The following SFXN5 variants were observed in gnomAD, a reference collection of about 807,000 sequenced individuals.
The protein encoded by SFXN5 is sideroflexin-5.
In SFXN5, 43 loss-of-function variants were observed where a neutral mutation model predicts 50.2. That is an observed-to-expected ratio of 0.86 (90% CI 0.67 to 1.11). The LOEUF is 1.11. Among genes scored for constraint, SFXN5 ranks in the 50% least tolerant of loss-of-function variants. The probability of loss-of-function intolerance (pLI) is 0.00; values close to 1 mark genes in which losing one functional copy is unlikely to be tolerated. For missense variants in SFXN5, 463 were observed against 454.1 expected (o/e 1.02, Z -0.18); for synonymous variants, 203 against 185.8 (o/e 1.09, Z -0.75).
chr2:73,009,110 C>A (rs1487546066), intron 6 of SFXN5, among the ~76,000 whole-genome samples: 1 of 152,222 alleles, frequency 6.6e-6, no homozygotes, highest in Non-Finnish European at 1.5e-5. Flanking sequence ...CAGTTCCTAG[C>A]ACATTCGCTG....
rs976074014 is a variant in SFXN5, at chr2:73,048,543, G to C, written c.172-7612C>G. 3.9e-5 allele frequency among the ~76,000 whole-genome samples: 6 copies of C among 152,292 alleles called. No individual in the cohort carries two copies. The South Asian group carries it at 8.3e-4, about 21-fold the overall frequency. ...TCATCCCAATATTGCACACATACAT[G>C]GACCAAAATGTTAATGGTGATTATT... is the stretch of plus-strand genomic sequence containing the variant. On this transcript the variant is annotated intron_variant, in intron 2 of 13. Coordinates refer to ENST00000272433, the MANE Select transcript of SFXN5 (RefSeq NM_144579.3).
At chr2:73,029,307 A>G (rs1677997610) in intron 3 of SFXN5, among the ~76,000 whole-genome samples, 1 of 152,248 alleles carries the variant, frequency 6.6e-6, no homozygotes, top group Non-Finnish European at 1.5e-5. Flanking sequence ...TACTTGTACT[A>G]ACATTTGGCT....
intron 13 of SFXN5, among the ~76,000 whole-genome samples, chr2:72,956,755 C>T (rs1322839007): frequency 6.6e-6 from 1 of 152,180 alleles, no homozygotes; most frequent in Non-Finnish European, 1.5e-5. Flanking sequence ...CCATAGAGGC[C>T]ATGCCTTCCC....
At chr2:73,036,656 C>T (rs1371449490) in intron 3 of SFXN5, among the ~76,000 whole-genome samples, 1 of 152,116 alleles carries the variant, frequency 6.6e-6, no homozygotes, top group Non-Finnish European at 1.5e-5. Context: ...ACTCTGGGAG[C>T]TGGAAGGGGT....
chr2:73,058,663 A>C, intron 1 of SFXN5, 67 bp from the exon 2 acceptor site: 1 of 1,486,130 alleles, frequency 6.7e-7, no homozygotes, highest in South Asian at 1.1e-5. Flanking sequence ...CAGACACTGG[A>C]GAGCCCCACC....
At chr2:72,988,381 G>C in intron 9 of SFXN5, 33 bp from the exon 10 acceptor site, 1 of 1,592,136 alleles carries the variant, frequency 6.3e-7, no homozygotes, top group Non-Finnish European at 8.6e-7. Flanking sequence ...CACAGAAAAA[G>C]TACATGATGC....
At chr2:73,010,736 C>T (rs1347598720) in intron 6 of SFXN5, among the ~76,000 whole-genome samples, 1 of 152,182 alleles carries the variant, frequency 6.6e-6, no homozygotes, top group Non-Finnish European at 1.5e-5. Flanking sequence ...CAAAAGAACA[C>T]ATTTTTTAAA....
intron 8 of SFXN5, 43 bp downstream of exon 8, chr2:73,000,388 C>T: frequency 6.5e-7 from 1 of 1,546,062 alleles, no homozygotes; most frequent in African/African-American, 1.4e-5. Flanking sequence ...CTGGGCCTCC[C>T]TAGCCTGAAC....
chr2:72,988,434 C>T, intron 9 of SFXN5, 86 bp from the exon 10 acceptor site: 2 of 1,134,794 alleles, frequency 1.8e-6, no homozygotes, highest in East Asian at 2.6e-5. Context: ...GGAGGAACAT[C>T]AGAGAGTGAG....
rs565685631 is a variant in SFXN5 at position 73,012,551 on chromosome 2, T to A, written c.357+7688A>T. Among the ~76,000 whole-genome samples, 13 of 151,836 alleles carry A rather than the reference T, an allele frequency of 8.6e-5. 1 individual carries two copies. The South Asian group carries it at 2.5e-3, about 29-fold the overall frequency. On this transcript the variant is annotated intron_variant, in intron 6 of 13. Coordinates refer to ENST00000272433, the MANE Select transcript of SFXN5 (RefSeq NM_144579.3). ...AAAATCAGGCCAACTATTGTTCATG[T>A]ATGAAAGAGAAAAAAAGATCTCCAG...
In SFXN5 at chr2:72,967,897, TCA is replaced by T. The variant is rs377260238; in HGVS notation, c.827+549_827+550del. On this transcript the variant is annotated intron_variant, in intron 12 of 13. Coordinates refer to ENST00000272433, the MANE Select transcript of SFXN5 (RefSeq NM_144579.3). ...ACTGTTACTATGCTCCCTCATTTCT[TCA>T]CAGTCATGACAGATATGAGTGCTTA... is the stretch of plus-strand genomic sequence containing the variant. Among the ~76,000 whole-genome samples, 385 of 152,278 alleles carry T rather than the reference TCA, an allele frequency of 2.5e-3. 1 individual carries two copies. Among genetic ancestry groups the T allele is most frequent in the Non-Finnish European group, 4.5e-3 (307 of 68,018 alleles).
At chr2:73,060,087 G>A (rs1017732652) in intron 1 of SFXN5, among the ~76,000 whole-genome samples, 9 of 152,148 alleles carry the variant, frequency 5.9e-5, no homozygotes, top group African/African-American at 2.2e-4. Flanking sequence ...GAGCTAGACA[G>A]ATACTAAGTG....
In SFXN5 at chr2:73,052,988, G is replaced by T. The variant is rs549523659; in HGVS notation, c.171+5540C>A. On this transcript the variant is annotated intron_variant, in intron 2 of 13. Coordinates refer to ENST00000272433, the MANE Select transcript of SFXN5 (RefSeq NM_144579.3). Reference sequence around the variant, plus strand: ...AGGTCAGGAGTTCAAGACCAGCCTGGCCAACATGGCAAAACCCCGTCTCTA... The same window carrying T: ...AGGTCAGGAGTTCAAGACCAGCCTGTCCAACATGGCAAAACCCCGTCTCTA... Among the ~76,000 whole-genome samples, 391 of 152,268 alleles carry T rather than the reference G, an allele frequency of 2.6e-3. 1 individual carries two copies. The highest frequency in any genetic ancestry group is 9.0e-3 in the African/African-American group (372 of 41,560).
At chr2:72,985,563 T>TG (rs1671815986) in intron 10 of SFXN5, among the ~76,000 whole-genome samples, 6 of 3,218 alleles carry the variant, frequency 1.9e-3, no homozygotes, top group African/African-American at 3.0e-3. Context: ...TGGAAGCCTG[T>TG]GGGGGGGTGG....
At chr2:72,955,476 G>C (rs185718609) in intron 13 of SFXN5, among the ~76,000 whole-genome samples, 6 of 152,344 alleles carry the variant, frequency 3.9e-5, no homozygotes, top group Non-Finnish European at 7.3e-5. Flanking sequence ...GGACTGCGGT[G>C]GGGGAGAGCC....
intron 12 of SFXN5, 79 bp downstream of exon 12, chr2:72,968,369 T>C: frequency 7.2e-7 from 1 of 1,395,230 alleles, no homozygotes; most frequent in South Asian, 1.3e-5. Flanking sequence ...CCTCATCTCT[T>C]GCCTGGGCCA....
intron 11 of SFXN5, among the ~76,000 whole-genome samples, chr2:72,969,415 A>T (rs773947904): frequency 1.3e-5 from 2 of 151,742 alleles, no homozygotes; most frequent in African/African-American, 2.4e-5. Flanking sequence ...TGTTTTTTAG[A>T]TGGAGGTCTT....
chr2:72,952,862 C>T (rs987413466), intron 13 of SFXN5, among the ~76,000 whole-genome samples: 3 of 152,214 alleles, frequency 2.0e-5, no homozygotes, highest in African/African-American at 7.2e-5. Flanking sequence ...CCCAGCCCCA[C>T]TCACTAAGCT....
At chr2:73,038,473 C>T (rs1679236891) in intron 3 of SFXN5, among the ~76,000 whole-genome samples, 1 of 151,948 alleles carries the variant, frequency 6.6e-6, no homozygotes, top group African/African-American at 2.4e-5. Flanking sequence ...TTTAAGCACG[C>T]TAAATTTATT....
Sources: allele counts gnomAD v4.1 joint callset (sites outside exome capture counted in the v4.1 genomes callset), GRCh38; gene constraint gnomAD v4.1.1; transcripts MANE v1.5; gene names NCBI Gene and HGNC (gene_info 2026-07-23, HGNC 2026-07-21).